The following NR3C2 variants were observed in gnomAD, a reference collection of about 807,000 sequenced individuals.
The protein encoded by NR3C2 is nuclear receptor subfamily 3 group C member 2.
A neutral mutation model predicts 86.4 loss-of-function variants in NR3C2; 15 were observed. The ratio of observed to expected loss-of-function variants is 0.17; its 90% confidence interval spans 0.12 to 0.27. The LOEUF (loss-of-function observed/expected upper bound fraction) is 0.27. Ranked by LOEUF, NR3C2 falls within the 10% of genes least tolerant of loss-of-function variation. NR3C2 has a pLI of 1.00. For missense variants in NR3C2, 960 were observed against 1,195.6 expected (o/e 0.80, Z 2.91); for synonymous variants, 458 against 450.5 (o/e 1.02, Z -0.21).
At chr4:148,176,316 G>A (rs971490097) in intron 4 of NR3C2, among the ~76,000 whole-genome samples, 1 of 152,194 alleles carries the variant, frequency 6.6e-6, no homozygotes, top group Non-Finnish European at 1.5e-5. Context: ...AATTATAACT[G>A]AGGTGGTCTG....
chr4:148,081,509 A>G lies in NR3C2; in HGVS notation c.2800-10T>C. ...GCAGGTCGCTCACCAGCTGTAACAC[A>G]GACACAGGGGGCATGACACGGGGGC... On this transcript the variant is annotated splice_polypyrimidine_tract_variant and intron_variant, in intron 8 of 8. Coordinates refer to ENST00000358102, the MANE Select transcript of NR3C2 (RefSeq NM_000901.5). 1.2e-6 allele frequency: 2 copies of G among 1,613,304 alleles called. No homozygotes were observed. Among genetic ancestry groups the G allele is most frequent in the Non-Finnish European group, 1.7e-6 (2 of 1,179,248 alleles).
intron 2 of NR3C2, 128 bp downstream of exon 2, chr4:148,434,976 G>A (rs920474068): frequency 5.7e-6 from 5 of 870,874 alleles, no homozygotes; most frequent in Non-Finnish European, 5.6e-6. Flanking sequence ...ATGCAAAGTG[G>A]AGCAACATAT....
intron 8 of NR3C2, among the ~76,000 whole-genome samples, chr4:148,109,360 G>A (rs1731947553): frequency 6.6e-6 from 1 of 152,164 alleles, no homozygotes; most frequent in Non-Finnish European, 1.5e-5. Context: ...ACACTGCCTG[G>A]CACTTTTAGA....
intron 8 of NR3C2, among the ~76,000 whole-genome samples, chr4:148,085,911 C>A (rs1241945501): frequency 6.6e-6 from 1 of 152,182 alleles, no homozygotes. Flanking sequence ...GACACACACC[C>A]TCTCAAGTCT....
intron 3 of NR3C2, among the ~76,000 whole-genome samples, chr4:148,229,876 G>C (rs1027504260): frequency 7.9e-5 from 12 of 152,088 alleles, no homozygotes; most frequent in Non-Finnish European, 1.5e-4. Flanking sequence ...AAGAACTCTA[G>C]GTCTGTCCCC....
At chr4:148,168,552 C>G (rs1161667164) in intron 4 of NR3C2, among the ~76,000 whole-genome samples, 2 of 152,098 alleles carry the variant, frequency 1.3e-5, no homozygotes, top group Admixed American at 1.3e-4. Flanking sequence ...GTAGGAGGGA[C>G]TTAGAGAAAT....
At chr4:148,286,652 A>AGC (rs1468895904) in intron 2 of NR3C2, among the ~76,000 whole-genome samples, 3 of 152,204 alleles carry the variant, frequency 2.0e-5, no homozygotes, top group African/African-American at 7.2e-5. Context: ...GAAATCATAC[A>AGC]ACTTTCAGGT....
intron 4 of NR3C2, among the ~76,000 whole-genome samples, chr4:148,178,933 A>T (rs942165910): frequency 1.3e-4 from 11 of 81,852 alleles, no homozygotes; most frequent in African/African-American, 1.8e-4. Context: ...AGAAGCAGGT[A>T]AAAAAAAAAA....
chr4:148,378,851 G>T (rs1047003025), intron 2 of NR3C2, among the ~76,000 whole-genome samples: 2 of 152,006 alleles, frequency 1.3e-5, no homozygotes, highest in Non-Finnish European at 2.9e-5. Flanking sequence ...TTTTATCTTT[G>T]TACACAGAAA....
intron 4 of NR3C2, among the ~76,000 whole-genome samples, chr4:148,184,683 T>C (rs1173548377): frequency 2.6e-5 from 4 of 152,206 alleles, no homozygotes; most frequent in South Asian, 2.1e-4. Context: ...AATCAACTGA[T>C]GGATTTTATA....
intron 2 of NR3C2, among the ~76,000 whole-genome samples, chr4:148,382,072 A>C (rs953519334): frequency 2.0e-5 from 3 of 152,190 alleles, no homozygotes; most frequent in Non-Finnish European, 2.9e-5. Flanking sequence ...TACGTAAAAG[A>C]AGCTTGATTC....
intron 3 of NR3C2, among the ~76,000 whole-genome samples, chr4:148,225,278 C>T (rs952498387): frequency 3.3e-5 from 5 of 152,048 alleles, no homozygotes; most frequent in Admixed American, 6.6e-5. Context: ...GGGAATTTGA[C>T]GGCGCTTTCT....
At chr4:148,283,241 T>C (rs1741337758) in intron 2 of NR3C2, among the ~76,000 whole-genome samples, 1 of 152,138 alleles carries the variant, frequency 6.6e-6, no homozygotes, top group Admixed American at 6.5e-5. Context: ...ATTTTAGCCA[T>C]TACAGAGAAC....
intron 3 of NR3C2, among the ~76,000 whole-genome samples, chr4:148,233,366 G>T (rs1004097315): frequency 5.6e-5 from 8 of 142,810 alleles, no homozygotes; most frequent in East Asian, 2.0e-4. Flanking sequence ...ATTTCTTTAG[G>T]TTTTTTTTTT....
intron 2 of NR3C2, among the ~76,000 whole-genome samples, chr4:148,430,549 A>T (rs1176270678): frequency 6.6e-6 from 1 of 152,170 alleles, no homozygotes; most frequent in Non-Finnish European, 1.5e-5. Flanking sequence ...TTCTAGGTAC[A>T]TTAGCAATTT....
intron 2 of NR3C2, among the ~76,000 whole-genome samples, chr4:148,381,661 A>G (rs1746998532): frequency 6.6e-6 from 1 of 152,222 alleles, no homozygotes; most frequent in Non-Finnish European, 1.5e-5. Flanking sequence ...TTAAAAACAC[A>G]AAATCAGAAA....
intron 2 of NR3C2, among the ~76,000 whole-genome samples, chr4:148,366,981 G>GCTTA (rs1746176586): frequency 6.6e-6 from 1 of 152,094 alleles, no homozygotes; most frequent in Non-Finnish European, 1.5e-5. Context: ...TTTCCATGGG[G>GCTTA]TATGCTAAGC....
chr4:148,418,800 T>C (rs577412755), intron 2 of NR3C2, among the ~76,000 whole-genome samples: 12 of 152,318 alleles, frequency 7.9e-5, no homozygotes. Context: ...TGTCACTATT[T>C]TACAGAGGTG....
rs551829607 is a variant in NR3C2 at position 148,101,560 on chromosome 4, T to C, written c.2799+12544A>G. On this transcript the variant is annotated intron_variant, in intron 8 of 8. Transcript: ENST00000358102. ...AAAGAAGATCAGCTCAGAAGCCTCA[T>C]AGCTGCCTTTGATGCTGAACTCTTC... Among the ~76,000 whole-genome samples the C allele has an allele frequency of 4.6e-5, 7 of 152,354 alleles. No homozygotes were observed. The South Asian group carries it at 1.0e-3, about 23-fold the overall frequency.
Sources: allele counts gnomAD v4.1 joint callset (sites outside exome capture counted in the v4.1 genomes callset), GRCh38; gene constraint gnomAD v4.1.1; transcripts MANE v1.5; gene names NCBI Gene and HGNC (gene_info 2026-07-23, HGNC 2026-07-21).